Variants in INO80C observed in about 807,000 individuals in gnomAD.
The protein encoded by INO80C is INO80 complex subunit C.
INO80C carries 17 observed loss-of-function variants against 17.7 expected under a neutral mutation model. The ratio of observed to expected loss-of-function variants is 0.96; its 90% CI spans 0.66 to 1.44. The LOEUF is 1.44. Among genes scored for constraint, INO80C ranks in the 40% most tolerant of loss-of-function variants. The probability of loss-of-function intolerance (pLI) is 0.00; values close to 1 mark genes in which losing one functional copy is unlikely to be tolerated. For missense variants in INO80C, 244 were observed against 245.0 expected, an observed-to-expected ratio of 1.00 and a Z score of 0.03; for synonymous variants, 96 against 95.8, an observed-to-expected ratio of 1.00 and a Z score of -0.01.
chr18:35,491,930 C>T (rs2045936994), intron 1 of INO80C, among the ~76,000 whole-genome samples: 1 of 152,148 alleles, frequency 6.6e-6, no homozygotes, highest in South Asian at 2.1e-4. Flanking sequence ...GAAATCCAGC[C>T]TGCTACTCAG....
At chr18:35,479,226 C>T (rs986200536) in intron 3 of INO80C, 74 bp downstream of exon 3, 1 of 929,952 alleles carries the variant, frequency 1.1e-6, no homozygotes, top group Non-Finnish European at 1.7e-6. Flanking sequence ...AAACACAATA[C>T]AATAATGTAG....
At chr18:35,482,919 G>A (rs1381633714) in intron 1 of INO80C, among the ~76,000 whole-genome samples, 2 of 152,212 alleles carry the variant, frequency 1.3e-5, no homozygotes, top group East Asian at 3.9e-4. Context: ...CAAGCATGAT[G>A]ATGCTCCGCT....
At position 35,479,869 on chromosome 18, in the gene INO80C, ACTCTTCTAGGTAC is replaced by A. The variant is rs1352771300; in HGVS notation, c.268-471_268-459del. ...AGAAAGCCCCAGTTGCAGTATGGGTACTCTTCTAGGTACCTCTTTTTTTTTTTTTTTATCCTAC... is the reference window on the plus strand; with the variant it reads ...AGAAAGCCCCAGTTGCAGTATGGGTACTCTTTTTTTTTTTTTTTATCCTAC... On this transcript the variant is annotated intron_variant, in intron 2 of 4. Coordinates refer to ENST00000334598, the MANE Select transcript of INO80C (RefSeq NM_194281.4). 6.4e-3 allele frequency among the ~76,000 whole-genome samples: 953 copies of A among 149,710 alleles called. 8 individuals are homozygous for A. The highest frequency in any genetic ancestry group is 0.022 in the African/African-American group (896 of 40,740).
At position 35,497,715 on chromosome 18, in the gene INO80C, G is replaced by A. The variant is rs369560942; in HGVS notation, c.156+4C>T. ...ACGCGCAGCCTGGGAGCGCGACTGCGTACCTGCGCAAAGCTGGAAGCGGAC... is the reference window on the plus strand; with the variant it reads ...ACGCGCAGCCTGGGAGCGCGACTGCATACCTGCGCAAAGCTGGAAGCGGAC... On this transcript the variant is annotated splice_donor_region_variant and intron_variant, in intron 1 of 4. Transcript: ENST00000334598. 76 of 1,610,578 alleles carry A rather than the reference G, an allele frequency of 4.7e-5. No individual in the cohort carries two copies. The highest frequency in any genetic ancestry group is 5.9e-5 in the Non-Finnish European group (70 of 1,178,784).
intron 4 of INO80C, among the ~76,000 whole-genome samples, chr18:35,474,184 T>A (rs1186403472): frequency 2.4e-5 from 3 of 126,640 alleles, no homozygotes; most frequent in African/African-American, 8.8e-5. Context: ...TATGTATATA[T>A]ATGTGTATAT....
At chr18:35,482,978 T>C (rs1019455061) in intron 1 of INO80C, among the ~76,000 whole-genome samples, 1 of 152,204 alleles carries the variant, frequency 6.6e-6, no homozygotes, top group Non-Finnish European at 1.5e-5. Flanking sequence ...TAGGAACAAA[T>C]TCAGGCCTCC....
chr18:35,496,893 G>C (rs1567991611), intron 1 of INO80C: 1 of 152,298 alleles, frequency 6.6e-6, no homozygotes, highest in Non-Finnish European at 1.5e-5. Context: ...CTATAGCAAA[G>C]TATTTAATAT....
chr18:35,469,013 A>G (rs1184531779), intron 4 of INO80C, among the ~76,000 whole-genome samples: 1 of 152,192 alleles, frequency 6.6e-6, no homozygotes, highest in Non-Finnish European at 1.5e-5. Context: ...GGGCTGCAAC[A>G]GGTCCAAGAC....
intron 1 of INO80C, among the ~76,000 whole-genome samples, chr18:35,495,423 A>G (rs1722869883): frequency 6.6e-6 from 1 of 152,172 alleles, no homozygotes; most frequent in African/African-American, 2.4e-5. Flanking sequence ...TCTTTAGTAA[A>G]TATCAGTTGG....
intron 4 of INO80C, among the ~76,000 whole-genome samples, chr18:35,474,759 C>G (rs1213506966): frequency 6.6e-6 from 1 of 151,898 alleles, no homozygotes; most frequent in Non-Finnish European, 1.5e-5. Context: ...AATAGAAAAG[C>G]CAGAAATTAA....
chr18:35,477,598 AAAAC>A (rs1210855499), intron 4 of INO80C, among the ~76,000 whole-genome samples: 1 of 152,254 alleles, frequency 6.6e-6, no homozygotes, highest in African/African-American at 2.4e-5. Context: ...AAAACAAAAC[AAAAC>A]AAAAAAAGAT....
At chr18:35,474,817 T>A (rs1567979353) in intron 4 of INO80C, among the ~76,000 whole-genome samples, 1 of 152,196 alleles carries the variant, frequency 6.6e-6, no homozygotes, top group Non-Finnish European at 1.5e-5. Context: ...CTCATTGGTA[T>A]ACTCTATACA....
At chr18:35,485,006 A>G (rs1158557455) in intron 1 of INO80C, among the ~76,000 whole-genome samples, 1 of 152,182 alleles carries the variant, frequency 6.6e-6, no homozygotes, top group Non-Finnish European at 1.5e-5. Flanking sequence ...CAACGTGTTG[A>G]CAAGTTTGGT....
intron 1 of INO80C, among the ~76,000 whole-genome samples, chr18:35,491,629 T>C (rs963921616): frequency 3.9e-5 from 6 of 152,074 alleles, no homozygotes; most frequent in Non-Finnish European, 7.4e-5. Context: ...CCCACATTAC[T>C]ACACCCTTAG....
intron 4 of INO80C, among the ~76,000 whole-genome samples, chr18:35,475,168 C>T (rs1359693195): frequency 2.6e-5 from 4 of 151,942 alleles, no homozygotes; most frequent in African/African-American, 7.3e-5. Flanking sequence ...AAACAAAAGA[C>T]GAAGAGAAGA....
intron 4 of INO80C, among the ~76,000 whole-genome samples, chr18:35,477,494 TTA>T (rs2144042332): frequency 6.6e-6 from 1 of 152,312 alleles, no homozygotes; most frequent in African/African-American, 2.4e-5. Flanking sequence ...TTTTCCAAAT[TTA>T]TGAGATGAAA....
At chr18:35,492,831 A>G (rs2045945343) in intron 1 of INO80C, among the ~76,000 whole-genome samples, 2 of 152,230 alleles carry the variant, frequency 1.3e-5, no homozygotes, top group Admixed American at 1.3e-4. Context: ...CTCTCAGTCT[A>G]TAGGTTAATT....
intron 4 of INO80C, among the ~76,000 whole-genome samples, chr18:35,474,244 T>C (rs1403081559): frequency 8.2e-5 from 11 of 134,708 alleles, no homozygotes; most frequent in Non-Finnish European, 9.4e-5. Context: ...TATATATATA[T>C]ACTTAATAAC....
chr18:35,479,582 A>C (rs975840400), intron 2 of INO80C, among the ~76,000 whole-genome samples, 171 bp from the exon 3 acceptor site: 9 of 152,166 alleles, frequency 5.9e-5, no homozygotes, highest in Non-Finnish European at 1.3e-4. Flanking sequence ...TAACATGTTA[A>C]TCTTAGTTTA....
Sources: allele counts gnomAD v4.1 joint callset (sites outside exome capture counted in the v4.1 genomes callset), GRCh38; gene constraint gnomAD v4.1.1; transcripts MANE v1.5; gene names NCBI Gene and HGNC (gene_info 2026-07-23, HGNC 2026-07-21).